DDX46: variants seen among roughly 807,000 people sequenced by gnomAD.
DDX46 encodes DEAD-box helicase 46.
DDX46 carries 30 observed loss-of-function variants against 134.9 expected under a neutral mutation model. That is an observed-to-expected ratio of 0.22 (90% confidence interval 0.17 to 0.30). DDX46 has a LOEUF of 0.30. Ranked by LOEUF, DDX46 falls within the 10% of genes least tolerant of loss-of-function variation. The pLI is 1.00. For missense variants in DDX46, 622 were observed against 1,248.7 expected (o/e 0.50, Z 7.56); for synonymous variants, 415 against 404.1 (o/e 1.03, Z -0.32).
intron 6 of DDX46, among the ~76,000 whole-genome samples, chr5:134,780,098 A>ATGTG (rs71583216): frequency 0.063 from 8,741 of 139,414 alleles, 333 homozygotes; most frequent in East Asian, 0.13. Flanking sequence ...AAAAAAATAT[A>ATGTG]TGTGTGTGTG....
chr5:134,782,631 C>T (rs1754190932), intron 8 of DDX46, among the ~76,000 whole-genome samples: 1 of 151,998 alleles, frequency 6.6e-6, no homozygotes, highest in Non-Finnish European at 1.5e-5. Flanking sequence ...CCGTTCCCAC[C>T]CCAGGCTCAG....
chr5:134,816,347 T>C (rs1009618541), intron 18 of DDX46, 83 bp from the exon 19 acceptor site: 1 of 1,302,548 alleles, frequency 7.7e-7, no homozygotes, highest in Non-Finnish European at 1.0e-6. Flanking sequence ...GGTGGAAACA[T>C]TCCTTATTTA....
chr5:134,777,857 G>T, intron 6 of DDX46, 132 bp downstream of exon 6: 1 of 1,115,726 alleles, frequency 9.0e-7, no homozygotes. Context: ...AGAGATGGCA[G>T]TACTTTTTCT....
intron 22 of DDX46, 26 bp from the exon 23 acceptor site, chr5:134,828,633 G>A: frequency 1.5e-6 from 2 of 1,350,624 alleles, no homozygotes; most frequent in Non-Finnish European, 9.8e-7. Flanking sequence ...TTTCTCTGAT[G>A]ACATATCTTT....
At chr5:134,771,140 C>T in intron 4 of DDX46, 141 bp downstream of exon 4, 2 of 540,860 alleles carry the variant, frequency 3.7e-6, no homozygotes, top group Non-Finnish European at 6.5e-6. Context: ...TTCTTTCTGT[C>T]TGTCTCTGTT....
At chr5:134,813,239 G>T (rs982873747) in intron 18 of DDX46, among the ~76,000 whole-genome samples, 7 of 152,126 alleles carry the variant, frequency 4.6e-5, no homozygotes, top group Non-Finnish European at 1.0e-4. Context: ...CACCACGCCC[G>T]ACCACATTTC....
chr5:134,828,642 T>C lies in DDX46; in HGVS notation c.3052-17T>C. The C allele has an allele frequency of 2.0e-6, 3 of 1,488,734 alleles. No individual in the cohort carries two copies. The highest frequency in any genetic ancestry group is 2.7e-6 in the Non-Finnish European group (3 of 1,120,836). 92.2% of individuals were successfully genotyped at this position (1,488,734 alleles called of 1,614,324 possible). On this transcript the variant is annotated splice_polypyrimidine_tract_variant and intron_variant, in intron 22 of 22. Coordinates refer to ENST00000452510, the MANE Select transcript of DDX46 (RefSeq NM_001300860.2). ...TTTTGCTTTCTCTGATGACATATCT[T>C]TTATTTCCTATTACAGCAAAATTCA...
intron 18 of DDX46, among the ~76,000 whole-genome samples, chr5:134,815,375 T>C (rs938017890): frequency 6.6e-5 from 10 of 152,100 alleles, no homozygotes. Context: ...ATCAGTGATA[T>C]CAGTAGTCAC....
At chr5:134,779,765 C>T (rs1034106439) in intron 6 of DDX46, among the ~76,000 whole-genome samples, 21 of 152,318 alleles carry the variant, frequency 1.4e-4, no homozygotes, top group African/African-American at 4.6e-4. Context: ...GCTGGGATTA[C>T]ACACATGAAC....
intron 15 of DDX46, among the ~76,000 whole-genome samples, chr5:134,802,159 CTTTTTTTTTT>C (rs542615882): frequency 2.7e-5 from 2 of 73,284 alleles, no homozygotes; most frequent in Admixed American, 1.6e-4. Context: ...TAATTTCTTT[CTTTTTTTTTT>C]TTTTTTTTTT....
At chr5:134,828,568 G>A in intron 22 of DDX46, 91 bp from the exon 23 acceptor site, 1 of 770,160 alleles carries the variant, frequency 1.3e-6, no homozygotes, top group Non-Finnish European at 1.9e-6. Context: ...TTTCCTTTTG[G>A]GTTTGTTTGG....
chr5:134,767,120 G>A (rs926331487), intron 3 of DDX46, 60 bp downstream of exon 3: 30 of 1,486,392 alleles, frequency 2.0e-5, no homozygotes, highest in African/African-American at 2.9e-5. Context: ...CCTTCTCTGC[G>A]CCTTTTTTTT....
chr5:134,804,887 A>T, intron 15 of DDX46: 1 of 377,174 alleles, frequency 2.7e-6, no homozygotes, highest in Non-Finnish European at 5.2e-6. Flanking sequence ...ACACACATGG[A>T]ACCACCATAG....
intron 17 of DDX46, 46 bp downstream of exon 17, chr5:134,811,404 C>T: frequency 6.3e-7 from 1 of 1,574,992 alleles, no homozygotes; most frequent in Non-Finnish European, 8.6e-7. Context: ...ATTAATGTGA[C>T]TAAACCTTGA....
chr5:134,807,875 T>C lies in DDX46; in HGVS notation c.2082T>C (p.Tyr694=), dbSNP rs1224293349. ...AACATCTGATTCTTGTAGTAAATTA[T>C]AGCTGCCCCAACCATTATGAGGATT... The part of the protein sequence containing the change: ...DVKHLILVVN[Y]SCPNHYEDYV... The change falls in exon 16 of 23, where the codon TAT becomes TAC. Residue 694 remains tyrosine (Y), a synonymous_variant. Transcript: ENST00000452510. 3.1e-6 allele frequency: 5 copies of C among 1,614,204 alleles called. No individual in the cohort carries two copies. The highest frequency in any genetic ancestry group is 1.7e-5 in the Admixed American group (1 of 60,028).
intron 5 of DDX46, 72 bp downstream of exon 5, chr5:134,773,933 G>T (rs555492367): frequency 2.9e-6 from 4 of 1,372,330 alleles, no homozygotes; most frequent in South Asian, 1.9e-5. Context: ...TTCATAAGGG[G>T]TTTTTAATCT....
Position 134,773,356 on chromosome 5 carries a change from T to C in DDX46, c.448-340T>C, listed in dbSNP as rs1650044564. On this transcript the variant is annotated intron_variant, in intron 4 of 22. Coordinates refer to ENST00000452510, the MANE Select transcript of DDX46 (RefSeq NM_001300860.2). ...AAAATTGAGAATAACTGGGAAACTT[T>C]GCTTGCTAATTACTTTAGTTTCTGT... Among the ~76,000 whole-genome samples, 2 of 152,232 alleles carry C rather than the reference T, an allele frequency of 1.3e-5. 1 individual carries two copies. The highest frequency in any genetic ancestry group is 4.1e-4 in the South Asian group (2 of 4,828).
chr5:134,813,223 G>C lies in DDX46; in HGVS notation c.2436+1378G>C, dbSNP rs137997814. ...CTCCCAAAGTGCTCAGATTACAGGC[G>C]TGAGCCACCACGCCCGACCACATTT... On this transcript the variant is annotated intron_variant, in intron 18 of 22. Transcript: ENST00000452510. Among the ~76,000 whole-genome samples the C allele has an allele frequency of 1.1e-4, 16 of 152,226 alleles. No individual in the cohort carries two copies. In the South Asian group the frequency reaches 3.3e-3, roughly 32 times the overall value.
At chr5:134,781,521 T>A (rs1402886622) in intron 7 of DDX46, among the ~76,000 whole-genome samples, 1 of 152,174 alleles carries the variant, frequency 6.6e-6, no homozygotes, top group African/African-American at 2.4e-5. Context: ...AGTAACAGAA[T>A]GAATTAATTT....
Sources: gnomAD v4.1 joint callset for allele counts (sites outside exome capture counted in the v4.1 genomes callset) on GRCh38, gnomAD v4.1.1 for gene constraint, MANE v1.5 for transcripts, NCBI Gene and HGNC (gene_info 2026-07-23, HGNC 2026-07-21) for gene names.